The following HADH variants were observed in gnomAD, a reference collection of about 807,000 sequenced individuals.
HADH encodes hydroxyacyl-coenzyme A dehydrogenase, mitochondrial.
HADH carries 24 observed loss-of-function variants against 32.2 expected under a neutral mutation model. The observed-to-expected ratio is 0.75, with a 90% CI of 0.54 to 1.05. HADH has a LOEUF of 1.05. Ranked by LOEUF, HADH falls within the 50% of genes least tolerant of loss-of-function variation. The pLI, the probability that HADH is intolerant of heterozygous loss-of-function variation, is 0.00. For synonymous variants in HADH, 139 were observed against 152.5 expected (o/e 0.91, Z 0.65); for missense variants, 350 against 397.1 (o/e 0.88, Z 1.01).
At chr4:108,028,975 G>A (rs901614902) in intron 6 of HADH, 6 of 398,546 alleles carry the variant, frequency 1.5e-5, no homozygotes, top group African/African-American at 1.2e-4. Context: ...GGAAGAGCAG[G>A]ACCTGGCCTC....
chr4:108,005,084 A>T, intron 1 of HADH: 2 of 475,578 alleles, frequency 4.2e-6, no homozygotes, highest in Non-Finnish European at 7.4e-6. Context: ...GAAACTCCTA[A>T]TCAAGATACC....
At chr4:108,002,487 TGTG>T (rs1227658129) in intron 1 of HADH, among the ~76,000 whole-genome samples, 1 of 152,172 alleles carries the variant, frequency 6.6e-6, no homozygotes, top group Admixed American at 6.5e-5. Flanking sequence ...AATTCTGTAT[TGTG>T]GTGAGATGTA....
intron 2 of HADH, 90 bp from the exon 3 acceptor site, chr4:108,014,341 C>G: frequency 6.9e-7 from 1 of 1,442,078 alleles, no homozygotes. Context: ...CTCTGAACAC[C>G]CAGTTTGCTA....
intron 1 of HADH, among the ~76,000 whole-genome samples, chr4:107,994,779 T>C (rs935998473): frequency 6.6e-6 from 1 of 152,234 alleles, no homozygotes; most frequent in African/African-American, 2.4e-5. Context: ...TGGGCTGTTC[T>C]CTGCTCTTGG....
chr4:107,990,283 C>T (rs1328495779), intron 1 of HADH, among the ~76,000 whole-genome samples: 1 of 152,222 alleles, frequency 6.6e-6, no homozygotes, highest in African/African-American at 2.4e-5. Context: ...CCTCAGCTTC[C>T]TCGTTTGGAA....
intron 7 of HADH, 111 bp from the exon 8 acceptor site, chr4:108,034,128 T>TG (rs1736373461): frequency 3.7e-6 from 3 of 808,262 alleles, no homozygotes; most frequent in Admixed American, 1.7e-5. Context: ...GCGCCATGCC[T>TG]GGGGGGCTCT....
intron 1 of HADH, among the ~76,000 whole-genome samples, chr4:107,994,567 T>A (rs1191140582): frequency 6.6e-6 from 1 of 152,192 alleles, no homozygotes; most frequent in Non-Finnish European, 1.5e-5. Flanking sequence ...ACTGCTTTGC[T>A]TGCAAAGCAG....
chr4:108,026,476 T>C (rs1456106263), intron 5 of HADH: 1 of 152,218 alleles, frequency 6.6e-6, no homozygotes, highest in Non-Finnish European at 1.5e-5. Context: ...CCTTTTGAAG[T>C]TGAAAAGAGT....
At chr4:108,018,717 A>G (rs1735777302) in intron 3 of HADH, among the ~76,000 whole-genome samples, 1 of 151,928 alleles carries the variant, frequency 6.6e-6, no homozygotes, top group Admixed American at 6.6e-5. Context: ...CTGCCCTGTT[A>G]CAGTCCATCT....
intron 2 of HADH, among the ~76,000 whole-genome samples, chr4:108,013,087 C>T (rs980465663): frequency 2.0e-5 from 3 of 152,232 alleles, no homozygotes; most frequent in Non-Finnish European, 4.4e-5. Context: ...CGCCCGCTAC[C>T]ACGCCCAGCA....
At chr4:108,019,194 C>T (rs926243655) in intron 3 of HADH, among the ~76,000 whole-genome samples, 1 of 152,066 alleles carries the variant, frequency 6.6e-6, no homozygotes, top group African/African-American at 2.4e-5. Context: ...GGTTAAGTAG[C>T]TTGATCAATT....
In HADH at chr4:107,989,976, C is replaced by T. The variant is rs1578237838; in HGVS notation, c.44C>T (p.Ser15Leu). 6.2e-7 allele frequency: 1 copy of T among 1,612,902 alleles called. No homozygotes were observed. The highest frequency in any genetic ancestry group is 1.1e-5 in the South Asian group (1 of 90,934). Residue 15 changes from serine to leucine, a missense_variant, in exon 1 of 8, where the codon TCG becomes TTG. By Grantham distance (145) the Ser-to-Leu change is moderately radical. Transcript: ENST00000309522. ...CAGTTCATGCGTTCCGTGTCCTCCT[C>T]GTCCACCGCCTCGGCCTCGGCCAAG... Reference protein sequence around the residue: ...TRQFMRSVSSSSTASASAKKI... With the variant: ...TRQFMRSVSSLSTASASAKKI...
chr4:108,010,849 C>CTTTTTTTT (rs1199994737), intron 2 of HADH, among the ~76,000 whole-genome samples: 1 of 124,802 alleles, frequency 8.0e-6, no homozygotes. Context: ...CAACTTCATT[C>CTTTTTTTT]TTTTTTTTTT....
chr4:108,012,543 A>C (rs192891519), intron 2 of HADH, among the ~76,000 whole-genome samples: 12 of 152,272 alleles, frequency 7.9e-5, no homozygotes, highest in Admixed American at 7.8e-4. Context: ...ATTCAAATGT[A>C]TTTGTCTTGA....
intron 4 of HADH, among the ~76,000 whole-genome samples, chr4:108,021,046 T>C (rs1282405752): frequency 2.0e-5 from 3 of 152,216 alleles, no homozygotes; most frequent in African/African-American, 4.8e-5. Flanking sequence ...CTTCCTCCTA[T>C]TTTCTCCTAT....
At position 108,014,570 on chromosome 4, in the gene HADH, T is replaced by C; in HGVS notation, c.401T>C (p.Leu134Pro). 2 of 1,613,592 alleles carry C rather than the reference T, an allele frequency of 1.2e-6. No homozygotes were observed. The highest frequency in any genetic ancestry group is 1.7e-6 in the Non-Finnish European group (2 of 1,179,834). The change falls in exon 3 of 8, where the codon CTG (leucine) becomes CCG (proline). Residue 134 changes from leucine to proline, a missense_variant. Physicochemically the swap from Leu to Pro is moderately conservative, Grantham distance 98. Transcript: ENST00000309522. Reference sequence around the variant, plus strand: ...GTGAAAAACGAGCTCTTCAAAAGGCTGGACAAGTTTGCTGCTGAGTATGTA... The same window carrying C: ...GTGAAAAACGAGCTCTTCAAAAGGCCGGACAAGTTTGCTGCTGAGTATGTA... ...LKVKNELFKR[L>P]DKFAAEHTIF...
intron 1 of HADH, among the ~76,000 whole-genome samples, chr4:108,006,930 T>G (rs1158755981): frequency 6.6e-6 from 1 of 152,212 alleles, no homozygotes; most frequent in Admixed American, 6.5e-5. Flanking sequence ...ATTTAACCTC[T>G]CTAAGCCTCA....
intron 1 of HADH, among the ~76,000 whole-genome samples, chr4:108,002,197 G>A (rs2126221907): frequency 6.6e-6 from 1 of 152,264 alleles, no homozygotes; most frequent in African/African-American, 2.4e-5. Context: ...TGGCCCATTA[G>A]GAACCGGGCC....
In HADH at chr4:107,989,981, ACCGCCT is replaced by A. The variant is rs773991596; in HGVS notation, c.51_56del (p.Ser21_Ala22del). On this transcript the variant is annotated inframe_deletion, in exon 1 of 8. Coordinates refer to ENST00000309522, the MANE Select transcript of HADH (RefSeq NM_005327.7). The stretch of plus-strand genomic sequence containing the variant: ...CATGCGTTCCGTGTCCTCCTCGTCC[ACCGCCT>A]CGGCCTCGGCCAAGAAGATAATCGT... The A allele has an allele frequency of 8.1e-6, 13 of 1,612,602 alleles. No individual in the cohort carries two copies. The South Asian group carries it at 9.9e-5, about 12-fold the overall frequency.
Sources: gnomAD v4.1 joint callset for allele counts (sites outside exome capture counted in the v4.1 genomes callset) on GRCh38, gnomAD v4.1.1 for gene constraint, MANE v1.5 for transcripts, NCBI Gene and HGNC (gene_info 2026-07-23, HGNC 2026-07-21) for gene names.